Variants in IDO2 observed in about 807,000 individuals in gnomAD.
The protein encoded by IDO2 is indoleamine 2,3-dioxygenase 2.
A neutral mutation model predicts 45.1 loss-of-function variants in IDO2; 46 were observed. The ratio of observed to expected loss-of-function variants is 1.02; its 90% CI spans 0.80 to 1.30. The LOEUF (loss-of-function observed/expected upper bound fraction) is 1.30, where lower values mean the gene tolerates loss of function less well. Among genes scored for constraint, IDO2 ranks in the 50% most tolerant of loss-of-function variants. The pLI is 0.00. For missense variants in IDO2, 544 were observed against 491.8 expected, an observed-to-expected ratio of 1.11 and a Z score of -1.00; for synonymous variants, 218 against 184.9, an observed-to-expected ratio of 1.18 and a Z score of -1.45.
intron 7 of IDO2, among the ~76,000 whole-genome samples, chr8:39,989,213 A>G (rs1025239030): frequency 5.9e-5 from 9 of 152,188 alleles, no homozygotes; most frequent in Non-Finnish European, 1.3e-4. Flanking sequence ...AGATTTTGTG[A>G]AAACTCTCCC....
intron 9 of IDO2, among the ~76,000 whole-genome samples, chr8:40,011,376 C>T (rs192111220): frequency 2.0e-5 from 3 of 152,298 alleles, no homozygotes; most frequent in Admixed American, 2.0e-4. Flanking sequence ...GACCATCAAC[C>T]AGATTACAAA....
intron 8 of IDO2, among the ~76,000 whole-genome samples, chr8:39,999,170 A>G (rs187533941): frequency 8.6e-4 from 130 of 151,350 alleles, no homozygotes; most frequent in Non-Finnish European, 1.4e-3. Flanking sequence ...TTGAGATGTT[A>G]GCTGTCGGTT....
At chr8:39,977,511 T>A (rs1808277255) in intron 3 of IDO2, among the ~76,000 whole-genome samples, 1 of 152,122 alleles carries the variant, frequency 6.6e-6, no homozygotes. Context: ...GAGACCCCCA[T>A]CCCTACAAAC....
At chr8:39,950,400 C>A (rs1174542315) in intron 2 of IDO2, among the ~76,000 whole-genome samples, 2 of 152,128 alleles carry the variant, frequency 1.3e-5, no homozygotes, top group Non-Finnish European at 2.9e-5. Context: ...GGCGTGGTGG[C>A]ACATGCCTGT....
At chr8:39,987,706 A>G in intron 6 of IDO2, 165 bp from the exon 7 acceptor site, 1 of 559,882 alleles carries the variant, frequency 1.8e-6, no homozygotes, top group Non-Finnish European at 3.2e-6. Context: ...TCCTCCCTGA[A>G]TGTTGCTGAA....
chr8:39,957,042 CAAAAA>C (rs56064306), intron 2 of IDO2, among the ~76,000 whole-genome samples: 1,020 of 31,294 alleles, frequency 0.033, 9 homozygotes, highest in African/African-American at 0.11. Context: ...GACTCCATCT[CAAAAA>C]AAAAAAAAAA....
intron 6 of IDO2, 91 bp from the exon 7 acceptor site, chr8:39,987,773 CCACCCTG>C: frequency 1.5e-6 from 1 of 681,594 alleles, no homozygotes; most frequent in East Asian, 2.7e-5. Context: ...TGCAGTGATT[CCACCCTG>C]CAGTTATCTA....
At chr8:39,953,921 T>G (rs969572729) in intron 2 of IDO2, among the ~76,000 whole-genome samples, 1 of 152,208 alleles carries the variant, frequency 6.6e-6, no homozygotes, top group Non-Finnish European at 1.5e-5. Context: ...TTCCCTGTCT[T>G]GTCCTTAAAA....
At chr8:40,006,105 C>A (rs1308839784) in intron 9 of IDO2, among the ~76,000 whole-genome samples, 2 of 152,212 alleles carry the variant, frequency 1.3e-5, no homozygotes, top group African/African-American at 4.8e-5. Flanking sequence ...GACTTCCCAG[C>A]CTCCAGAACT....
At chr8:39,956,059 CTTTTTT>C in intron 2 of IDO2, among the ~76,000 whole-genome samples, 1 of 131,436 alleles carries the variant, frequency 7.6e-6, no homozygotes, top group African/African-American at 2.8e-5. Flanking sequence ...CATTAGATGA[CTTTTTT>C]TTTTTTTTTT....
chr8:39,994,940 T>C (rs1212665312), intron 8 of IDO2, among the ~76,000 whole-genome samples: 1 of 152,086 alleles, frequency 6.6e-6, no homozygotes, highest in Non-Finnish European at 1.5e-5. Context: ...CTTAGTTTAC[T>C]GCAAAGATCA....
chr8:39,944,694 C>T (rs1807705402), intron 1 of IDO2, among the ~76,000 whole-genome samples: 1 of 152,204 alleles, frequency 6.6e-6, no homozygotes, highest in African/African-American at 2.4e-5. Context: ...GTTTACTTTC[C>T]TGTAACCATT....
chr8:39,945,183 CTGGAAGCCAG>C (rs1807711788), intron 1 of IDO2, among the ~76,000 whole-genome samples: 1 of 152,214 alleles, frequency 6.6e-6, no homozygotes, highest in African/African-American at 2.4e-5. Flanking sequence ...TTGCCTCTGG[CTGGAAGCCAG>C]AAACAGGCAC....
intron 7 of IDO2, among the ~76,000 whole-genome samples, chr8:39,989,154 A>G (rs72630544): frequency 0.063 from 9,534 of 152,240 alleles, 518 homozygotes; most frequent in East Asian, 0.34. Flanking sequence ...TTCACGAGGC[A>G]GCAGGAGAGA....
chr8:39,985,674 T>C (rs777060700), intron 6 of IDO2, 152 bp downstream of exon 6: 289 of 664,710 alleles, frequency 4.3e-4, no homozygotes, highest in Non-Finnish European at 5.1e-4. Context: ...GAAATGTGCC[T>C]AAAATTCACA....
At chr8:39,957,198 C>T (rs1249943820) in intron 2 of IDO2, among the ~76,000 whole-genome samples, 2 of 151,988 alleles carry the variant, frequency 1.3e-5, no homozygotes, top group African/African-American at 4.8e-5. Context: ...TCTCCATTTC[C>T]ACCCCACTTC....
At chr8:39,974,247 T>C (rs1303023672) in intron 3 of IDO2, among the ~76,000 whole-genome samples, 1 of 152,086 alleles carries the variant, frequency 6.6e-6, no homozygotes, top group South Asian at 2.1e-4. Context: ...GACCCATGTG[T>C]GTATGGAATA....
chr8:40,008,593 A>C (rs73605122), intron 9 of IDO2, among the ~76,000 whole-genome samples: 1 of 152,220 alleles, frequency 6.6e-6, no homozygotes, highest in African/African-American at 2.4e-5. Flanking sequence ...AGTTCTAAGA[A>C]TTATGATAAG....
intron 2 of IDO2, among the ~76,000 whole-genome samples, chr8:39,952,074 A>G (rs138358359): frequency 2.0e-5 from 3 of 152,152 alleles, no homozygotes; most frequent in Admixed American, 6.5e-5. Context: ...TTCAGTTTTA[A>G]TTTTCTTTCA....
Sources: allele counts gnomAD v4.1 joint callset (sites outside exome capture counted in the v4.1 genomes callset), GRCh38; gene constraint gnomAD v4.1.1; transcripts MANE v1.5; gene names NCBI Gene and HGNC (gene_info 2026-07-23, HGNC 2026-07-21).